The following PARN variants were observed in gnomAD, a reference collection of about 807,000 sequenced individuals.
PARN encodes poly(A)-specific ribonuclease, also known as poly(A)-specific ribonuclease PARN.
PARN carries 71 observed loss-of-function variants against 102.8 expected under a neutral mutation model. The observed-to-expected ratio is 0.69, with a 90% CI of 0.57 to 0.84. The LOEUF (loss-of-function observed/expected upper bound fraction) is 0.84, where lower values mean the gene tolerates loss of function less well. PARN is among the 40% of genes least tolerant of loss of function. The probability of loss-of-function intolerance (pLI) is 0.00; values close to 1 mark genes in which losing one functional copy is unlikely to be tolerated. For synonymous variants in PARN, 261 were observed against 252.9 expected, an observed-to-expected ratio of 1.03 and a Z score of -0.30; for missense variants, 782 against 760.9, an observed-to-expected ratio of 1.03 and a Z score of -0.33.
chr16:14,483,637 G>T (rs990635844), intron 21 of PARN, among the ~76,000 whole-genome samples: 1 of 151,978 alleles, frequency 6.6e-6, no homozygotes, highest in Admixed American at 6.6e-5. Flanking sequence ...TTAAGATAAA[G>T]AACATCCCCC....
chr16:14,437,374 A>G (rs1027959967), intron 23 of PARN, among the ~76,000 whole-genome samples: 1 of 152,230 alleles, frequency 6.6e-6, no homozygotes, highest in African/African-American at 2.4e-5. Flanking sequence ...AGGGAAGCCA[A>G]CCAGTGGGGG....
At chr16:14,619,548 GC>G (rs1972156339) in intron 5 of PARN, among the ~76,000 whole-genome samples, 1 of 151,862 alleles carries the variant, frequency 6.6e-6, no homozygotes, top group South Asian at 2.1e-4. Flanking sequence ...GATCGCTTGA[GC>G]CCAAGACTTC....
At chr16:14,521,473 C>G (rs965532737) in intron 21 of PARN, among the ~76,000 whole-genome samples, 8 of 152,206 alleles carry the variant, frequency 5.3e-5, no homozygotes, top group African/African-American at 9.7e-5. Context: ...GCCACAGGAA[C>G]GCTTTTGCTT....
chr16:14,626,757 C>A (rs1015400758), intron 5 of PARN, among the ~76,000 whole-genome samples: 1 of 151,912 alleles, frequency 6.6e-6, no homozygotes, highest in African/African-American at 2.4e-5. Flanking sequence ...GGATTACAGG[C>A]ACCCATGACC....
At chr16:14,526,201 G>C (rs752548745) in intron 21 of PARN, among the ~76,000 whole-genome samples, 4 of 146,944 alleles carry the variant, frequency 2.7e-5, no homozygotes, top group Non-Finnish European at 6.0e-5. Flanking sequence ...TTTTGAGACG[G>C]AGTCTTGCTC....
rs1960724628 is a variant in PARN, at chr16:14,436,812, G to C, written c.1865-40C>G. 7.5e-6 allele frequency: 11 copies of C among 1,461,110 alleles called. No homozygotes were observed. The Middle Eastern group carries it at 1.6e-3, about 206-fold the overall frequency. The allele number at this position is 1,461,110 out of a possible 1,614,324, so 90.5% of individuals were successfully genotyped here. A position where few individuals can be genotyped will look rare whatever the true frequency, so the allele number is the denominator to read the frequency against. On this transcript the variant is annotated intron_variant, in intron 23 of 23. Transcript: ENST00000437198. The stretch of plus-strand genomic sequence containing the variant: ...CAAAACAATATGAACAGCAGGACCA[G>C]GACGGCACCTTGAGGAGAGCATGAC...
At chr16:14,502,597 C>T (rs1567328050) in intron 21 of PARN, among the ~76,000 whole-genome samples, 1 of 152,228 alleles carries the variant, frequency 6.6e-6, no homozygotes, top group African/African-American at 2.4e-5. Context: ...AAACCAGTCT[C>T]ACACCCTAAA....
intron 21 of PARN, among the ~76,000 whole-genome samples, chr16:14,541,028 T>C (rs1966825345): frequency 6.6e-6 from 1 of 151,656 alleles, no homozygotes; most frequent in African/African-American, 2.4e-5. Flanking sequence ...CAGTGGCTCA[T>C]GCCTGTAATC....
chr16:14,629,353 T>C (rs987811439), intron 2 of PARN, among the ~76,000 whole-genome samples: 1 of 152,242 alleles, frequency 6.6e-6, no homozygotes, highest in African/African-American at 2.4e-5. Context: ...CGCACTGTTT[T>C]AAGCAGCATC....
chr16:14,516,332 C>A (rs1204650783), intron 21 of PARN, among the ~76,000 whole-genome samples: 2 of 152,032 alleles, frequency 1.3e-5, no homozygotes, highest in Admixed American at 6.5e-5. Context: ...AATTACAACT[C>A]AAGAAAACTT....
chr16:14,625,492 C>T (rs1972590905), intron 5 of PARN, among the ~76,000 whole-genome samples: 1 of 152,000 alleles, frequency 6.6e-6, no homozygotes, highest in African/African-American at 2.4e-5. Flanking sequence ...AGCGAAACTT[C>T]ATCTCAAGAA....
At chr16:14,570,286 C>T (rs534162487) in intron 18 of PARN, among the ~76,000 whole-genome samples, 6 of 125,964 alleles carry the variant, frequency 4.8e-5, no homozygotes, top group African/African-American at 6.1e-5. Flanking sequence ...CACACCACTG[C>T]GCTCCAGCCT....
chr16:14,498,104 T>C (rs926254414), intron 21 of PARN, among the ~76,000 whole-genome samples: 5 of 122,912 alleles, frequency 4.1e-5, no homozygotes, highest in Admixed American at 2.2e-4. Context: ...AGCCTGGCAA[T>C]AGAGAGAGAC....
intron 18 of PARN, chr16:14,576,137 A>G (rs1969119868): frequency 6.6e-6 from 1 of 152,266 alleles, no homozygotes; most frequent in Non-Finnish European, 1.5e-5. Context: ...ATGGACCAAT[A>G]CAGAAGGTGA....
intron 22 of PARN, among the ~76,000 whole-genome samples, chr16:14,453,523 AC>A (rs796097816): frequency 1.3e-5 from 2 of 152,332 alleles, no homozygotes; most frequent in African/African-American, 4.8e-5. Flanking sequence ...ATTGCTTATA[AC>A]CATGTAACTA....
intron 18 of PARN, among the ~76,000 whole-genome samples, chr16:14,557,372 C>A (rs1242636248): frequency 1.3e-5 from 2 of 151,850 alleles, no homozygotes; most frequent in East Asian, 3.9e-4. Flanking sequence ...GCCTGGCCAA[C>A]ATGGTGAAAT....
intron 21 of PARN, among the ~76,000 whole-genome samples, chr16:14,545,249 G>A (rs943593433): frequency 6.6e-6 from 1 of 152,170 alleles, no homozygotes; most frequent in Non-Finnish European, 1.5e-5. Context: ...TTCTTTTTAA[G>A]TGCACACAGT....
chr16:14,541,646 T>G (rs1220025864), intron 21 of PARN, among the ~76,000 whole-genome samples: 2 of 152,010 alleles, frequency 1.3e-5, no homozygotes, highest in Non-Finnish European at 1.5e-5. Context: ...CAGATAATTT[T>G]TCTATTTTTT....
chr16:14,521,820 C>A (rs958232877), intron 21 of PARN, among the ~76,000 whole-genome samples: 1 of 151,892 alleles, frequency 6.6e-6, no homozygotes, highest in African/African-American at 2.4e-5. Flanking sequence ...AAAAAATACA[C>A]GTAACCACCA....
Sources: gnomAD v4.1 joint callset for allele counts (sites outside exome capture counted in the v4.1 genomes callset) on GRCh38, gnomAD v4.1.1 for gene constraint, MANE v1.5 for transcripts, NCBI Gene and HGNC (gene_info 2026-07-23, HGNC 2026-07-21) for gene names.